P2RY10: variants seen among roughly 807,000 people sequenced by gnomAD.
The protein encoded by P2RY10 is putative P2Y purinoceptor 10.
In P2RY10, 4 loss-of-function variants were observed where a neutral mutation model predicts 12.1. The observed-to-expected ratio is 0.33, with a 90% CI of 0.16 to 0.76. P2RY10 has a LOEUF of 0.76. P2RY10 is among the 30% of genes least tolerant of loss of function. P2RY10 has a pLI of 0.61. For synonymous variants in P2RY10, 112 were observed against 94.1 expected, an observed-to-expected ratio of 1.19 and a Z score of -1.10; for missense variants, 233 against 264.6, an observed-to-expected ratio of 0.88 and a Z score of 0.83.
At chrX:78,949,682 A>C (rs1922020268) in intron 2 of P2RY10, among the ~76,000 whole-genome samples, 1 of 112,525 alleles carries the variant, frequency 8.9e-6, no homozygotes, top group Non-Finnish European at 1.9e-5. Context: ...GCTTTAATTC[A>C]TTTTAAGGAT....
Position 78,961,062 on chromosome X carries a change from G to C in P2RY10, c.542G>C (p.Cys181Ser). ...RSTDLNNNKS[C>S]FADLGYKQMN... ...ACAGACTTAAACAACAACAAGTCCT[G>C]CTTTGCTGATCTTGGATACAAGCAA... is the stretch of plus-strand genomic sequence containing the variant. Residue 181 changes from cysteine (C) to serine (S), a missense_variant, in exon 4 of 4, where the codon TGC (cysteine) becomes TCC (serine). Transcript: ENST00000171757. 8.3e-7 allele frequency: 1 copy of C among 1,211,321 alleles called. No homozygotes were observed. The highest frequency in any genetic ancestry group is 1.1e-6 in the Non-Finnish European group (1 of 895,129).
chrX:78,957,603 C>G (rs1922402039), intron 3 of P2RY10, among the ~76,000 whole-genome samples: 1 of 110,894 alleles, frequency 9.0e-6, no homozygotes, highest in African/African-American at 3.3e-5. Context: ...AAATAAATAC[C>G]TTCTGCCTCT....
chrX:78,946,809 G>A (rs763582369), intron 1 of P2RY10, among the ~76,000 whole-genome samples: 24 of 112,197 alleles, frequency 2.1e-4, no homozygotes, highest in Non-Finnish European at 4.5e-4. Flanking sequence ...GGGCTCAACT[G>A]GGAAAGTTGT....
At chrX:78,957,393 G>C (rs776209242) in intron 3 of P2RY10, among the ~76,000 whole-genome samples, 2,371 of 58,697 alleles carry the variant, frequency 0.04, 33 homozygotes, top group African/African-American at 0.051. Flanking sequence ...CACACAGAGA[G>C]AGAGAGAGAG....
At position 78,961,519 on chromosome X, in the gene P2RY10, T is replaced by A; in HGVS notation, c.999T>A (p.Ser333Arg). 1 of 1,198,039 alleles carries A rather than the reference T, an allele frequency of 8.3e-7. No homozygotes were observed. The highest frequency in any genetic ancestry group is 1.1e-6 in the Non-Finnish European group (1 of 886,207). The change falls in exon 4 of 4, where the codon AGT becomes AGA. Residue 333 changes from serine to arginine, a missense_variant. Coordinates refer to ENST00000171757, the MANE Select transcript of P2RY10 (RefSeq NM_014499.4). ...VTRSRLMSKE[S>R]GSSMIG is the part of the protein sequence containing the mutation. ...GCTCCCGCCTCATGAGCAAGGAGAGTGGTTCATCAATGATTGGCTAAAATT... is the reference window on the plus strand; with the variant it reads ...GCTCCCGCCTCATGAGCAAGGAGAGAGGTTCATCAATGATTGGCTAAAATT...
intron 3 of P2RY10, among the ~76,000 whole-genome samples, chrX:78,952,748 GGAAGTAA>G (rs1256885595): frequency 2.7e-5 from 3 of 111,583 alleles, no homozygotes; most frequent in South Asian, 3.8e-4. Context: ...AGCTGTGTTG[GGAAGTAA>G]GAAGAGTGCT....
In P2RY10 at chrX:78,953,629, C is replaced by A. The variant is rs747701136; in HGVS notation, c.-14+1294C>A. 4.5e-5 allele frequency among the ~76,000 whole-genome samples: 5 copies of A among 111,663 alleles called. No homozygotes were observed. In the East Asian group the frequency reaches 1.4e-3, roughly 31 times the overall value. On this transcript the variant is annotated intron_variant, in intron 3 of 3. Coordinates refer to ENST00000171757, the MANE Select transcript of P2RY10 (RefSeq NM_014499.4). ...CAAAATTGCTCAATTCCATATCTGA[C>A]TTTTACTTTAAATTCTAATCTAATA...
chrX:78,956,852 T>C (rs1375228365), intron 3 of P2RY10, among the ~76,000 whole-genome samples: 2 of 111,660 alleles, frequency 1.8e-5, no homozygotes, highest in African/African-American at 6.5e-5. Context: ...GAATAAAGTG[T>C]TTAGCCTGTA....
In P2RY10 at chrX:78,954,384, A is replaced by C. The variant is rs186850302; in HGVS notation, c.-14+2049A>C. On this transcript the variant is annotated intron_variant, in intron 3 of 3. Transcript: ENST00000171757. ...TCCCCACCATGTTATCCTATTCACC[A>C]GGTGGGATAGAATTATTATTTTTCC... Among the ~76,000 whole-genome samples, 200 of 111,414 alleles carry C rather than the reference A, an allele frequency of 1.8e-3. 1 individual carries two copies. In the Middle Eastern group the frequency reaches 0.023, roughly 13 times the overall value.
chrX:78,952,944 AT>A (rs888411141), intron 3 of P2RY10, among the ~76,000 whole-genome samples: 1 of 111,778 alleles, frequency 8.9e-6, no homozygotes, highest in Non-Finnish European at 1.9e-5. Flanking sequence ...AAAGGGGCTG[AT>A]TAGCCACCAT....
intron 2 of P2RY10, 96 bp downstream of exon 2, chrX:78,947,959 G>A (rs760464621): frequency 9.6e-6 from 2 of 208,783 alleles, no homozygotes; most frequent in Non-Finnish European, 1.4e-5. Flanking sequence ...CACTCAGTTG[G>A]CATTTCTCAA....
chrX:78,948,618 C>T (rs1161510437), intron 2 of P2RY10, among the ~76,000 whole-genome samples: 1 of 111,496 alleles, frequency 9.0e-6, no homozygotes, highest in Non-Finnish European at 1.9e-5. Flanking sequence ...TAGCCTGTCT[C>T]ACCCACCCTC....
At chrX:78,954,890 C>T (rs974951352) in intron 3 of P2RY10, among the ~76,000 whole-genome samples, 10 of 111,292 alleles carry the variant, frequency 9.0e-5, no homozygotes, top group Non-Finnish European at 3.8e-5. Context: ...TTTGAAAGGT[C>T]ACTAGGATTT....
At chrX:78,952,360 AG>A (rs1233866885) in intron 3 of P2RY10, 25 bp downstream of exon 3, 3 of 737,105 alleles carry the variant, frequency 4.1e-6, no homozygotes, top group Non-Finnish European at 4.8e-6. Flanking sequence ...TACTTCTGTA[AG>A]GCTGGCATTG....
chrX:78,954,210 T>G (rs1430978110), intron 3 of P2RY10, among the ~76,000 whole-genome samples: 2 of 111,194 alleles, frequency 1.8e-5, no homozygotes, highest in Non-Finnish European at 3.8e-5. Context: ...TATGATGATA[T>G]CGCATCTCTT....
chrX:78,946,084 T>C (rs779965462), intron 1 of P2RY10, among the ~76,000 whole-genome samples: 1 of 111,824 alleles, frequency 8.9e-6, no homozygotes, highest in Non-Finnish European at 1.9e-5. Context: ...TTAGGTTCAC[T>C]CAGCTTGTTA....
intron 2 of P2RY10, among the ~76,000 whole-genome samples, chrX:78,950,707 G>A (rs1023356195): frequency 2.7e-5 from 3 of 111,653 alleles, no homozygotes; most frequent in East Asian, 2.8e-4. Flanking sequence ...AACTAGAACC[G>A]AAAACAATAG....
Position 78,961,280 on chromosome X carries a change from A to T in P2RY10, c.760A>T (p.Ile254Phe), listed in dbSNP as rs1922604569. The T allele has an allele frequency of 8.3e-7, 1 of 1,207,501 alleles. No individual in the cohort carries two copies. Among genetic ancestry groups the T allele is most frequent in the Admixed American group, 2.2e-5 (1 of 45,718 alleles). The change falls in exon 4 of 4, where the codon ATC (isoleucine) becomes TTC (phenylalanine). Residue 254 changes from isoleucine to phenylalanine, a missense_variant. Transcript: ENST00000171757. Reference protein sequence around the residue: ...MVFMCAAVFFICFTPYHINFI... With the variant: ...MVFMCAAVFFFCFTPYHINFI... ...GTTCATGTGTGCTGCAGTCTTCTTCATCTGCTTCACTCCCTATCATATTAA... is the reference window on the plus strand; with the variant it reads ...GTTCATGTGTGCTGCAGTCTTCTTCTTCTGCTTCACTCCCTATCATATTAA...
chrX:78,960,748 C>T lies in P2RY10; in HGVS notation c.228C>T (p.Leu76=). 8.3e-7 allele frequency: 1 copy of T among 1,211,525 alleles called. No homozygotes were observed. The highest frequency in any genetic ancestry group is 3.0e-5 in the East Asian group (1 of 33,859). The change falls in exon 4 of 4, where the codon CTC becomes CTT. Residue 76 remains leucine, a synonymous_variant. Transcript: ENST00000171757. ...KNKAIIFMIN[L]SVADLAHVLS... Reference sequence around the variant, plus strand: ...AAGCCATCATTTTCATGATCAACCTCTCTGTGGCTGACCTTGCTCATGTAT... The same window carrying T: ...AAGCCATCATTTTCATGATCAACCTTTCTGTGGCTGACCTTGCTCATGTAT...
Sources: gnomAD v4.1 joint callset for allele counts (sites outside exome capture counted in the v4.1 genomes callset) on GRCh38, gnomAD v4.1.1 for gene constraint, MANE v1.5 for transcripts, NCBI Gene and HGNC (gene_info 2026-07-23, HGNC 2026-07-21) for gene names.